The following SLC35G5 variants were observed in gnomAD, a reference collection of about 807,000 sequenced individuals.
SLC35G5 encodes acyl-malonyl condensing enzyme 1-like 2.
In SLC35G5, 14 loss-of-function variants were observed where a neutral mutation model predicts 17.6. The ratio of observed to expected loss-of-function variants is 0.79; its 90% CI spans 0.52 to 1.24. The LOEUF is 1.24. Ranked by LOEUF, SLC35G5 falls within the 50% of genes most tolerant of loss-of-function variation. The pLI is 0.00. For synonymous variants in SLC35G5, 236 were observed against 194.9 expected, an observed-to-expected ratio of 1.21 and a Z score of -1.76; for missense variants, 541 against 430.3, an observed-to-expected ratio of 1.26 and a Z score of -2.28.
Position 11,331,622 on chromosome 8 carries a change from T to A in SLC35G5, c.516T>A (p.Ile172=). Residue 172 remains isoleucine, a synonymous_variant, in exon 1 of 1, where the codon ATT becomes ATA. Transcript: ENST00000382435. ...GCAGCATCCTAGGACTAATCATCAT[T>A]CTGGGACCTGGACTCTGGACACTAC... ...LLGSILGLII[I]LGPGLWTLQE... 7.4e-6 allele frequency: 12 copies of A among 1,613,020 alleles called. No individual in the cohort carries two copies. The highest frequency in any genetic ancestry group is 1.0e-5 in the Non-Finnish European group (12 of 1,179,804).
chr8:11,331,840 T>A lies in SLC35G5; in HGVS notation c.734T>A (p.Val245Glu). 6.2e-7 allele frequency: 1 copy of A among 1,611,980 alleles called. No individual in the cohort carries two copies. Among genetic ancestry groups the A allele is most frequent in the South Asian group, 1.1e-5 (1 of 90,982 alleles). The change falls in exon 1 of 1, where the codon GTG (valine) becomes GAG (glutamate). Residue 245 changes from valine (V) to glutamate (E), a missense_variant. By Grantham distance (121) the Val-to-Glu change is moderately radical (BLOSUM62 -2). Transcript: ENST00000382435. ...GGCCTCTTTGTGCTGCAGACCCCCG[T>A]GTTGCCCAGTGACCTCCTGAGTTGG... ...VPGLFVLQTP[V>E]LPSDLLSWSC...
Position 11,331,381 on chromosome 8 carries a change from A to G in SLC35G5, c.275A>G (p.Asp92Gly). 1.2e-6 allele frequency: 2 copies of G among 1,612,910 alleles called. No homozygotes were observed. The highest frequency in any genetic ancestry group is 8.5e-7 in the Non-Finnish European group (1 of 1,179,598). Reference protein sequence around the residue: ...PIALLLKLRGDPLLGPPDIRG... With the variant: ...PIALLLKLRGGPLLGPPDIRG... ...GCCCTGCTACTTAAACTGCGTGGCG[A>G]CCCCCTTCTGGGACCTCCTGACATC... The change falls in exon 1 of 1, where the codon GAC becomes GGC. Residue 92 changes from aspartate (D) to glycine (G), a missense_variant. By Grantham distance (94) the Asp-to-Gly change is moderately conservative. Transcript: ENST00000382435.
At position 11,331,127 on chromosome 8, in the gene SLC35G5, C is replaced by T; in HGVS notation, c.21C>T (p.Tyr7=). The change falls in exon 1 of 1, where the codon TAC becomes TAT. Residue 7 remains tyrosine, a synonymous_variant. Coordinates refer to ENST00000382435, the MANE Select transcript of SLC35G5 (RefSeq NM_054028.2). ...GAAAGATGGCTGGCAGTCACCCCTA[C>T]TTCAACCTGCCTGACTCCACACACC... MAGSHP[Y]FNLPDSTHPS... is the part of the protein sequence containing the mutation. 1.2e-6 allele frequency: 2 copies of T among 1,603,952 alleles called. No individual in the cohort carries two copies. Among genetic ancestry groups the T allele is most frequent in the Admixed American group, 1.7e-5 (1 of 58,978 alleles).
Position 11,331,507 on chromosome 8 carries a change from G to T in SLC35G5, c.401G>T (p.Arg134Leu), listed in dbSNP as rs763548928. 10 of 1,613,808 alleles carry T rather than the reference G, an allele frequency of 6.2e-6. No homozygotes were observed. The highest frequency in any genetic ancestry group is 8.5e-6 in the Non-Finnish European group (10 of 1,179,862). Residue 134 changes from arginine (R) to leucine (L), a missense_variant, in exon 1 of 1, where the codon CGC becomes CTC. Physicochemically the swap from Arg to Leu is moderately radical, Grantham distance 102. Transcript: ENST00000382435. ...CCCGCTGGCAACGCTGCCACTGTTC[G>T]CAAAGGTTCTTCCACCGTATGCTCC... ...VVPAGNAATV[R>L]KGSSTVCSAV...
Position 11,331,768 on chromosome 8 carries a change from C to A in SLC35G5, c.662C>A (p.Thr221Lys). ...RSLHFPSCLP[T>K]VAFLSGLVGL... ...CTGCACTTTCCCTCCTGCCTCCCAA[C>A]AGTGGCCTTCCTATCTGGCTTGGTG... is the stretch of plus-strand genomic sequence containing the variant. Residue 221 changes from threonine to lysine, a missense_variant, in exon 1 of 1, where the codon ACA becomes AAA. Coordinates refer to ENST00000382435, the MANE Select transcript of SLC35G5 (RefSeq NM_054028.2). 5.0e-6 allele frequency: 8 copies of A among 1,611,990 alleles called. No individual in the cohort carries two copies. The highest frequency in any genetic ancestry group is 6.8e-6 in the Non-Finnish European group (8 of 1,179,824).
At position 11,331,096 on chromosome 8, in the gene SLC35G5, T is replaced by G. The variant is rs768019436; in HGVS notation, c.-11T>G. 5.7e-6 allele frequency: 9 copies of G among 1,582,306 alleles called. No individual in the cohort carries two copies. The highest frequency in any genetic ancestry group is 1.8e-4 in the Middle Eastern group (1 of 5,650). On this transcript the variant is annotated 5_prime_UTR_variant, in exon 1 of 1. Transcript: ENST00000382435. Reference sequence around the variant, plus strand: ...CCTGAGCCAGGAGGAGAGGAGAAAGTCCAAGGAAAGATGGCTGGCAGTCAC... The same window carrying G: ...CCTGAGCCAGGAGGAGAGGAGAAAGGCCAAGGAAAGATGGCTGGCAGTCAC...
At position 11,332,336 on chromosome 8, in the gene SLC35G5, C is replaced by G; in HGVS notation, c.*213C>G. On this transcript the variant is annotated 3_prime_UTR_variant, in exon 1 of 1. Transcript: ENST00000382435. ...ACAAATGAGAAATCTGGCTTATTTA[C>G]AGGAATAAAATTAATTGAACTATCC... The G allele has an allele frequency of 1.1e-6, 1 of 877,326 alleles. No homozygotes were observed. The highest frequency in any genetic ancestry group is 2.7e-5 in the South Asian group (1 of 36,658). 54.3% of individuals were successfully genotyped at this position (877,326 alleles called of 1,614,324 possible).
rs764258190 is a variant in SLC35G5, at chr8:11,331,779, C to G, written c.673C>G (p.Leu225Val). The G allele has an allele frequency of 1.7e-5, 28 of 1,611,556 alleles. No individual in the cohort carries two copies. The highest frequency in any genetic ancestry group is 1.5e-4 in the Admixed American group (9 of 59,962). ...CTCCTGCCTCCCAACAGTGGCCTTC[C>G]TATCTGGCTTGGTGGGGCTGCTGGG... is the stretch of plus-strand genomic sequence containing the variant. Reference protein sequence around the residue: ...FPSCLPTVAFLSGLVGLLGCV... With the variant: ...FPSCLPTVAFVSGLVGLLGCV... The change falls in exon 1 of 1, where the codon CTA (leucine) becomes GTA (valine). Residue 225 changes from leucine to valine, a missense_variant. Leu to Val is a conservative substitution (Grantham distance 32). Coordinates refer to ENST00000382435, the MANE Select transcript of SLC35G5 (RefSeq NM_054028.2).
chr8:11,332,070 A>G lies in SLC35G5; in HGVS notation c.964A>G (p.Ile322Val), dbSNP rs749151859. 4 of 1,611,858 alleles carry G rather than the reference A, an allele frequency of 2.5e-6. No individual in the cohort carries two copies. The highest frequency in any genetic ancestry group is 1.3e-5 in the African/African-American group (1 of 74,844). The stretch of plus-strand genomic sequence containing the variant: ...AGGGGTTGTGCTGGGCAGCATTGCC[A>G]TCATTACAGCCCGGAACCTCAGCTG... ...GAGVVLGSIAIITARNLSCER... is the reference protein window; with the variant it reads ...GAGVVLGSIAVITARNLSCER... Residue 322 changes from isoleucine to valine, a missense_variant, in exon 1 of 1, where the codon ATC becomes GTC. By Grantham distance (29) the Ile-to-Val change is conservative (BLOSUM62 3). Transcript: ENST00000382435.
In SLC35G5 at chr8:11,331,847, C is replaced by A. The variant is rs1404167000; in HGVS notation, c.741C>A (p.Pro247=). The change falls in exon 1 of 1, where the codon CCC becomes CCA. Residue 247 remains proline, a synonymous_variant. Transcript: ENST00000382435. ...TTGTGCTGCAGACCCCCGTGTTGCC[C>A]AGTGACCTCCTGAGTTGGAGTTGTG... The part of the protein sequence containing the change: ...GLFVLQTPVL[P]SDLLSWSCVG... The A allele has an allele frequency of 4.3e-6, 7 of 1,611,876 alleles. No individual in the cohort carries two copies. Among genetic ancestry groups the A allele is most frequent in the Non-Finnish European group, 5.9e-6 (7 of 1,179,856 alleles).
rs2736268 is a variant in SLC35G5 at position 11,331,023 on chromosome 8, G to C, written c.-84G>C. On this transcript the variant is annotated 5_prime_UTR_variant, in exon 1 of 1. Coordinates refer to ENST00000382435, the MANE Select transcript of SLC35G5 (RefSeq NM_054028.2). Reference sequence around the variant, plus strand: ...AGAGTTCCAGGGAAGAACCCCACCCGCACTCCAATGAGGTCACAATGGCTG... The same window carrying C: ...AGAGTTCCAGGGAAGAACCCCACCCCCACTCCAATGAGGTCACAATGGCTG... 0.55 allele frequency: 826,168 copies of C among 1,489,314 alleles called. 232,679 individuals are homozygous for C. The highest frequency in any genetic ancestry group is 0.97 in the East Asian group (41,827 of 43,008). 92.3% of individuals were successfully genotyped at this position (1,489,314 alleles called of 1,614,324 possible). A position where few individuals can be genotyped will look rare whatever the true frequency, so the allele number is the denominator to read the frequency against.
chr8:11,331,326 A>G lies in SLC35G5; in HGVS notation c.220A>G (p.Ile74Val). ...CAACCTGCCCTCGCTGGAGCTGCTC[A>G]TCTGTCGATGCCTCTTCCACCTCCC... ...GSNLPSLELLICRCLFHLPIA... is the reference protein window; with the variant it reads ...GSNLPSLELLVCRCLFHLPIA... The change falls in exon 1 of 1, where the codon ATC (isoleucine) becomes GTC (valine). Residue 74 changes from isoleucine (I) to valine (V), a missense_variant. Transcript: ENST00000382435. 5.6e-6 allele frequency: 9 copies of G among 1,613,880 alleles called. No individual in the cohort carries two copies.
Position 11,331,158 on chromosome 8 carries a change from C to T in SLC35G5, c.52C>T (p.Pro18Ser), listed in dbSNP as rs1242293517. 9.3e-6 allele frequency: 15 copies of T among 1,612,206 alleles called. No individual in the cohort carries two copies. Among genetic ancestry groups the T allele is most frequent in the Non-Finnish European group, 1.3e-5 (15 of 1,178,980 alleles). Residue 18 changes from proline (P) to serine (S), a missense_variant, in exon 1 of 1, where the codon CCG becomes TCG. By Grantham distance (74) the Pro-to-Ser change is moderately conservative. Coordinates refer to ENST00000382435, the MANE Select transcript of SLC35G5 (RefSeq NM_054028.2). ...CCTGCCTGACTCCACACACCCATCG[C>T]CGCCCTCCGCTCCACCCAGCCTCCG... ...FNLPDSTHPS[P>S]PSAPPSLRWH...
In SLC35G5 at chr8:11,332,100, A is replaced by C. The variant is rs757413782; in HGVS notation, c.994A>C (p.Arg332=). ...TACAGCCCGGAACCTCAGCTGTGAG[A>C]GGACAGGGAAGGTGGAGGAGTGAGA... ...IITARNLSCE[R]TGKVEE The change falls in exon 1 of 1, where the codon AGG becomes CGG. Residue 332 remains arginine, a synonymous_variant. Coordinates refer to ENST00000382435, the MANE Select transcript of SLC35G5 (RefSeq NM_054028.2). 5.1e-5 allele frequency: 82 copies of C among 1,611,742 alleles called. No individual in the cohort carries two copies. Among genetic ancestry groups the C allele is most frequent in the Non-Finnish European group, 6.9e-5 (81 of 1,179,830 alleles).
Position 11,331,138 on chromosome 8 carries a change from C to G in SLC35G5, c.32C>G (p.Pro11Arg). MAGSHPYFNL[P>R]DSTHPSPPSA... ...GGCAGTCACCCCTACTTCAACCTGCCTGACTCCACACACCCATCGCCGCCC... is the reference window on the plus strand; with the variant it reads ...GGCAGTCACCCCTACTTCAACCTGCGTGACTCCACACACCCATCGCCGCCC... Residue 11 changes from proline (P) to arginine (R), a missense_variant, in exon 1 of 1, where the codon CCT (proline) becomes CGT (arginine). By Grantham distance (103) the Pro-to-Arg change is moderately radical. Coordinates refer to ENST00000382435, the MANE Select transcript of SLC35G5 (RefSeq NM_054028.2). 6.2e-7 allele frequency: 1 copy of G among 1,607,554 alleles called. No individual in the cohort carries two copies.
rs145477381 is a variant in SLC35G5, at chr8:11,331,212, G to A, written c.106G>A (p.Ala36Thr). The A allele has an allele frequency of 7.6e-4, 1,228 of 1,613,976 alleles. 7 individuals are homozygous for A. In the African/African-American group the frequency reaches 0.013, roughly 17 times the overall value. ...GCACCAGCGCTGCCAGCCCTCTGGT[G>A]CCACCAATGGCCTGCTGGTGGCCCT... ...RWHQRCQPSG[A>T]TNGLLVALLG... The change falls in exon 1 of 1, where the codon GCC becomes ACC. Residue 36 changes from alanine to threonine, a missense_variant. By Grantham distance (58) the Ala-to-Thr change is moderately conservative. Transcript: ENST00000382435.
Position 11,332,298 on chromosome 8 carries a change from A to G in SLC35G5, c.*175A>G, listed in dbSNP as rs1801268753. 9.0e-7 allele frequency: 1 copy of G among 1,117,202 alleles called. No individual in the cohort carries two copies. Among genetic ancestry groups the G allele is most frequent in the African/African-American group, 1.6e-5 (1 of 62,396 alleles). 69.2% of individuals were successfully genotyped at this position (1,117,202 alleles called of 1,614,324 possible). On this transcript the variant is annotated 3_prime_UTR_variant, in exon 1 of 1. Coordinates refer to ENST00000382435, the MANE Select transcript of SLC35G5 (RefSeq NM_054028.2). ...GATGTTCAGTTATAATAAAAATATC[A>G]CAAAGCATGCAAACAAATGAGAAAT...
In SLC35G5 at chr8:11,331,411, G is replaced by T; in HGVS notation, c.305G>T (p.Gly102Val). 6.2e-7 allele frequency: 1 copy of T among 1,613,946 alleles called. No homozygotes were observed. Among genetic ancestry groups the T allele is most frequent in the Non-Finnish European group, 8.5e-7 (1 of 1,179,806 alleles). ...DPLLGPPDIR[G>V]WACFCALLNV... ...CTTCTGGGACCTCCTGACATCCGAGGCTGGGCCTGCTTCTGTGCCCTGCTC... is the reference window on the plus strand; with the variant it reads ...CTTCTGGGACCTCCTGACATCCGAGTCTGGGCCTGCTTCTGTGCCCTGCTC... The change falls in exon 1 of 1, where the codon GGC becomes GTC. Residue 102 changes from glycine to valine, a missense_variant. Gly to Val is a moderately radical substitution (Grantham distance 109). Coordinates refer to ENST00000382435, the MANE Select transcript of SLC35G5 (RefSeq NM_054028.2).
In SLC35G5 at chr8:11,331,568, C is replaced by T. The variant is rs143735406; in HGVS notation, c.462C>T (p.Leu154=). The change falls in exon 1 of 1, where the codon CTC becomes CTT. Residue 154 remains leucine, a synonymous_variant. Coordinates refer to ENST00000382435, the MANE Select transcript of SLC35G5 (RefSeq NM_054028.2). ...VLTLCLESQG[L]GGYEWCGLLG... is the part of the protein sequence containing the mutation. ...CCCTCTGCCTTGAGAGCCAGGGTCT[C>T]GGTGGCTACGAGTGGTGTGGACTGT... 482 of 1,613,848 alleles carry T rather than the reference C, an allele frequency of 3.0e-4. 1 individual carries two copies. Among genetic ancestry groups the T allele is most frequent in the African/African-American group, 7.9e-4 (59 of 74,984 alleles).
Sources: gnomAD v4.1 joint callset for allele counts on GRCh38, gnomAD v4.1.1 for gene constraint, MANE v1.5 for transcripts, NCBI Gene and HGNC (gene_info 2026-07-23, HGNC 2026-07-21) for gene names.